Variants in TRAPPC12 observed in about 807,000 individuals in gnomAD.
TRAPPC12 encodes the protein trafficking protein particle complex subunit 12.
TRAPPC12 carries 61 observed loss-of-function variants against 69.2 expected under a neutral mutation model. That is an observed-to-expected ratio of 0.88 (90% CI 0.72 to 1.09). TRAPPC12 has a LOEUF of 1.09. Among genes scored for constraint, TRAPPC12 ranks in the 50% least tolerant of loss-of-function variants. The pLI, the probability that TRAPPC12 is intolerant of heterozygous loss-of-function variation, is 0.00. For missense variants in TRAPPC12, 1,101 were observed against 1,016.4 expected (o/e 1.08, Z -1.13); for synonymous variants, 469 against 438.9 (o/e 1.07, Z -0.86).
chr2:3,393,453 G>A (rs1660943040), intron 2 of TRAPPC12, among the ~76,000 whole-genome samples: 1 of 152,126 alleles, frequency 6.6e-6, no homozygotes, highest in Non-Finnish European at 1.5e-5. Flanking sequence ...ATACTGCGTT[G>A]TTTACTTGAA....
At chr2:3,458,554 G>GCA in intron 7 of TRAPPC12, 1 of 674,718 alleles carries the variant, frequency 1.5e-6, no homozygotes, top group Non-Finnish European at 1.8e-6. Context: ...GGGTGTGCAT[G>GCA]CTGTGGCATG....
chr2:3,426,844 C>T (rs1323385561), intron 5 of TRAPPC12, among the ~76,000 whole-genome samples: 1 of 152,238 alleles, frequency 6.6e-6, no homozygotes, highest in Non-Finnish European at 1.5e-5. Context: ...CCCACATCCG[C>T]TCATGAGTTG....
At chr2:3,419,642 C>CAA (rs35364043) in intron 3 of TRAPPC12, among the ~76,000 whole-genome samples, 2,973 of 111,264 alleles carry the variant, frequency 0.027, 150 homozygotes, top group African/African-American at 0.089. Flanking sequence ...TCCTCATTTC[C>CAA]AAAAAAAAAA....
intron 2 of TRAPPC12, among the ~76,000 whole-genome samples, chr2:3,391,800 TG>T (rs1660838765): frequency 6.6e-6 from 1 of 152,122 alleles, no homozygotes; most frequent in Non-Finnish European, 1.5e-5. Flanking sequence ...CCCCCCAAGA[TG>T]GCTTTCATGT....
At chr2:3,474,286 G>T (rs758453615) in intron 9 of TRAPPC12, among the ~76,000 whole-genome samples, 12 of 152,212 alleles carry the variant, frequency 7.9e-5, no homozygotes, top group Non-Finnish European at 1.5e-4. Flanking sequence ...GAGCAAGGAA[G>T]CCAGTCCAAG....
chr2:3,385,860 C>T (rs1660464839), intron 1 of TRAPPC12, among the ~76,000 whole-genome samples: 1 of 152,262 alleles, frequency 6.6e-6, no homozygotes, highest in Non-Finnish European at 1.5e-5. Flanking sequence ...TGCCCGGCCT[C>T]TATCCCTGCA....
intron 5 of TRAPPC12, among the ~76,000 whole-genome samples, chr2:3,425,850 G>T (rs914738393): frequency 6.6e-6 from 1 of 152,194 alleles, no homozygotes; most frequent in African/African-American, 2.4e-5. Flanking sequence ...TAAACATTCT[G>T]TTGAACTTGG....
At chr2:3,399,831 CAAA>C (rs34625674) in intron 2 of TRAPPC12, among the ~76,000 whole-genome samples, 1 of 147,128 alleles carries the variant, frequency 6.8e-6, no homozygotes, top group Non-Finnish European at 1.5e-5. Context: ...GCCCCGCCGC[CAAA>C]AAAAAAAGGG....
intron 5 of TRAPPC12, among the ~76,000 whole-genome samples, chr2:3,435,602 A>G (rs1304509709): frequency 6.6e-6 from 1 of 152,192 alleles, no homozygotes; most frequent in South Asian, 2.1e-4. Flanking sequence ...TTGGAGGAGG[A>G]GGATCTGAGC....
intron 1 of TRAPPC12, among the ~76,000 whole-genome samples, chr2:3,380,213 C>A (rs1286517536): frequency 2.0e-5 from 3 of 152,188 alleles, no homozygotes; most frequent in African/African-American, 7.2e-5. Flanking sequence ...CCGAGACCCC[C>A]AGTTCCAGGC....
chr2:3,389,699 T>C (rs1194425232), intron 2 of TRAPPC12: 1 of 471,130 alleles, frequency 2.1e-6, no homozygotes, highest in South Asian at 1.5e-5. Flanking sequence ...GTGTTATTGC[T>C]GTCTTGGTAC....
chr2:3,388,824 T>C, intron 2 of TRAPPC12, 154 bp downstream of exon 2: 1 of 736,598 alleles, frequency 1.4e-6, no homozygotes, highest in Non-Finnish European at 2.1e-6. Flanking sequence ...TGTCCCTGGG[T>C]AATTAGGGAT....
chr2:3,425,668 A>G (rs1240558146), intron 5 of TRAPPC12, among the ~76,000 whole-genome samples: 1 of 152,240 alleles, frequency 6.6e-6, no homozygotes, highest in African/African-American at 2.4e-5. Flanking sequence ...TGCAGGCTCG[A>G]TTGTCAGCAT....
intron 1 of TRAPPC12, among the ~76,000 whole-genome samples, chr2:3,383,868 C>CTTTTTTTTTTTT (rs1660351107): frequency 1.2e-5 from 1 of 84,720 alleles, no homozygotes; most frequent in African/African-American, 3.7e-5. Flanking sequence ...ATAGTTCAGT[C>CTTTTTTTTTTTT]TTGTTTTTTT....
At chr2:3,390,640 G>T (rs372673865) in intron 2 of TRAPPC12, among the ~76,000 whole-genome samples, 5 of 152,292 alleles carry the variant, frequency 3.3e-5, no homozygotes, top group Non-Finnish European at 4.4e-5. Context: ...AAACTATTCC[G>T]TGTGATACTT....
chr2:3,457,556 A>G lies in TRAPPC12; in HGVS notation c.1531-65A>G, dbSNP rs1470200644. ...AAATTTGCTGTACTGAGATTATATT[A>G]TAACAAAGTCTTAGACAAAAATTGG... On this transcript the variant is annotated intron_variant, in intron 6 of 11. Coordinates refer to ENST00000324266, the MANE Select transcript of TRAPPC12 (RefSeq NM_016030.6). 7.4e-6 allele frequency: 10 copies of G among 1,352,318 alleles called. No individual in the cohort carries two copies. The Admixed American group carries it at 1.5e-4, about 20-fold the overall frequency. 83.8% of individuals were successfully genotyped at this position (1,352,318 alleles called of 1,614,324 possible). A position where few individuals can be genotyped will look rare whatever the true frequency, so the allele number is the denominator to read the frequency against.
chr2:3,435,049 G>A (rs556730634), intron 5 of TRAPPC12, among the ~76,000 whole-genome samples: 27 of 152,334 alleles, frequency 1.8e-4, no homozygotes, highest in East Asian at 5.8e-4. Context: ...GTCTCGCTCC[G>A]TCGCCCAGGC....
intron 4 of TRAPPC12, among the ~76,000 whole-genome samples, chr2:3,422,951 A>C (rs1440775860): frequency 6.6e-6 from 1 of 152,252 alleles, no homozygotes; most frequent in Non-Finnish European, 1.5e-5. Flanking sequence ...TCCTGCTGGA[A>C]AACTGTGCCC....
chr2:3,425,701 T>A (rs1400163268), intron 5 of TRAPPC12, among the ~76,000 whole-genome samples: 1 of 152,208 alleles, frequency 6.6e-6, no homozygotes, highest in Non-Finnish European at 1.5e-5. Flanking sequence ...GCAGTGGAGC[T>A]ACAGAGAATG....
Sources: gnomAD v4.1 joint callset for allele counts (sites outside exome capture counted in the v4.1 genomes callset) on GRCh38, gnomAD v4.1.1 for gene constraint, MANE v1.5 for transcripts, NCBI Gene and HGNC (gene_info 2026-07-23, HGNC 2026-07-21) for gene names.